The following SH3RF2 variants were observed in gnomAD, a reference collection of about 807,000 sequenced individuals.
The protein encoded by SH3RF2 is E3 ubiquitin-protein ligase SH3RF2.
Under a neutral mutation model 59.0 loss-of-function variants are expected in SH3RF2, and 43 were observed. That is an observed-to-expected ratio of 0.73 (90% CI 0.57 to 0.94). The LOEUF (loss-of-function observed/expected upper bound fraction) is 0.94. Among genes scored for constraint, SH3RF2 ranks in the 40% least tolerant of loss-of-function variants. The pLI, the probability that SH3RF2 is intolerant of heterozygous loss-of-function variation, is 0.00. For synonymous variants in SH3RF2, 391 were observed against 391.5 expected (o/e 1.00, Z 0.01); for missense variants, 930 against 940.1 (o/e 0.99, Z 0.14).
intron 9 of SH3RF2, among the ~76,000 whole-genome samples, chr5:146,061,075 A>T (rs919143957): frequency 2.6e-5 from 4 of 152,220 alleles, no homozygotes; most frequent in African/African-American, 4.8e-5. Context: ...GAACGGAAAG[A>T]GGATGCGATT....
intron 2 of SH3RF2, among the ~76,000 whole-genome samples, chr5:145,947,870 A>C (rs972170006): frequency 6.6e-6 from 1 of 152,236 alleles, no homozygotes; most frequent in Non-Finnish European, 1.5e-5. Flanking sequence ...TGTAAACCAC[A>C]TACTACTTAA....
chr5:145,977,143 G>A (rs1335253477), intron 2 of SH3RF2, among the ~76,000 whole-genome samples: 1 of 152,256 alleles, frequency 6.6e-6, no homozygotes, highest in Non-Finnish European at 1.5e-5. Flanking sequence ...ACTGGGGCAA[G>A]AGCAATATCT....
intron 5 of SH3RF2, among the ~76,000 whole-genome samples, chr5:146,020,689 C>T (rs147698387): frequency 3.7e-4 from 56 of 152,168 alleles, no homozygotes; most frequent in African/African-American, 1.1e-3. Context: ...TACCAACATG[C>T]GTAAGATTGA....
At chr5:145,997,397 T>C in intron 2 of SH3RF2, 1 of 1,247,926 alleles carries the variant, frequency 8.0e-7, no homozygotes. Flanking sequence ...AAATGGGCTT[T>C]GCTTCCATCT....
intron 8 of SH3RF2, among the ~76,000 whole-genome samples, chr5:146,058,219 G>T (rs190811332): frequency 6.6e-6 from 1 of 152,154 alleles, no homozygotes; most frequent in Non-Finnish European, 1.5e-5. Context: ...AATAGATAAG[G>T]CATAAAGCCA....
intron 2 of SH3RF2, among the ~76,000 whole-genome samples, chr5:145,945,573 G>A (rs992320272): frequency 6.6e-6 from 1 of 152,104 alleles, no homozygotes; most frequent in Non-Finnish European, 1.5e-5. Context: ...GGAAGTGTAT[G>A]GTCAAGGGAA....
chr5:146,014,907 G>A (rs1761046571), intron 5 of SH3RF2, among the ~76,000 whole-genome samples: 1 of 152,192 alleles, frequency 6.6e-6, no homozygotes, highest in Non-Finnish European at 1.5e-5. Context: ...TATTTAGGTT[G>A]AAGGGTACTT....
intron 2 of SH3RF2, among the ~76,000 whole-genome samples, chr5:145,945,408 A>T (rs901717929): frequency 3.9e-5 from 6 of 152,226 alleles, no homozygotes; most frequent in African/African-American, 1.4e-4. Flanking sequence ...TGTAAATTAT[A>T]ACCCCATAAA....
At chr5:145,976,041 G>C (rs760323360) in intron 2 of SH3RF2, among the ~76,000 whole-genome samples, 14 of 152,200 alleles carry the variant, frequency 9.2e-5, no homozygotes, top group Non-Finnish European at 1.8e-4. Flanking sequence ...ACACACCAGT[G>C]AAGAACCTTC....
chr5:145,938,449 C>T (rs1292773941), intron 2 of SH3RF2, 143 bp downstream of exon 2: 1 of 996,098 alleles, frequency 1.0e-6, no homozygotes, highest in Non-Finnish European at 1.4e-6. Context: ...GGGCAGTGAT[C>T]ATTTTACTCA....
At chr5:145,997,044 G>A (rs972279689) in intron 2 of SH3RF2, among the ~76,000 whole-genome samples, 20 of 152,246 alleles carry the variant, frequency 1.3e-4, no homozygotes, top group African/African-American at 4.8e-4. Context: ...TAGACATGGC[G>A]GTCATCAGGG....
intron 2 of SH3RF2, among the ~76,000 whole-genome samples, chr5:145,939,374 T>C (rs1344889178): frequency 2.0e-5 from 3 of 152,214 alleles, no homozygotes; most frequent in East Asian, 3.9e-4. Flanking sequence ...TGTGGGAGGG[T>C]CTTGCAGGAC....
intron 2 of SH3RF2, among the ~76,000 whole-genome samples, chr5:145,962,589 T>C (rs1224055852): frequency 6.6e-6 from 1 of 152,308 alleles, no homozygotes; most frequent in African/African-American, 2.4e-5. Context: ...CTTCAGTTCC[T>C]GCAGCAGGAC....
At chr5:146,064,792 G>GA (rs1204654795), downstream of SH3RF2, among the ~76,000 whole-genome samples, 198 of 33,986 alleles carry the variant, frequency 5.8e-3, 21 homozygotes, top group African/African-American at 0.016. Flanking sequence ...AGGAAGGAAG[G>GA]AAGGAAGGAA....
chr5:145,968,170 C>A (rs1758939225), intron 2 of SH3RF2, among the ~76,000 whole-genome samples: 1 of 152,160 alleles, frequency 6.6e-6, no homozygotes, highest in Non-Finnish European at 1.5e-5. Flanking sequence ...TCAAAATGTA[C>A]AATGTATGCA....
chr5:145,958,690 G>A (rs917357590), intron 2 of SH3RF2, among the ~76,000 whole-genome samples: 1 of 152,058 alleles, frequency 6.6e-6, no homozygotes, highest in African/African-American at 2.4e-5. Flanking sequence ...AGTTTGCAAG[G>A]AACACACACA....
At chr5:146,061,405 T>C (rs1451297139) in intron 9 of SH3RF2, among the ~76,000 whole-genome samples, 2 of 152,326 alleles carry the variant, frequency 1.3e-5, no homozygotes, top group East Asian at 1.9e-4. Flanking sequence ...TTCTGAATTA[T>C]AGAAATAATT....
At chr5:145,956,507 C>G (rs1039552601) in intron 2 of SH3RF2, among the ~76,000 whole-genome samples, 1 of 152,112 alleles carries the variant, frequency 6.6e-6, no homozygotes, top group Non-Finnish European at 1.5e-5. Context: ...AACTCCTGAC[C>G]TCAAGTGATC....
At chr5:146,066,059 G>T (rs1561774414), downstream of SH3RF2, among the ~76,000 whole-genome samples, 1 of 152,186 alleles carries the variant, frequency 6.6e-6, no homozygotes, top group Non-Finnish European at 1.5e-5. Flanking sequence ...CAGGTAGATT[G>T]TCCCCATTTC....
Sources: allele counts gnomAD v4.1 joint callset (sites outside exome capture counted in the v4.1 genomes callset), GRCh38; gene constraint gnomAD v4.1.1; transcripts MANE v1.5; gene names NCBI Gene and HGNC (gene_info 2026-07-23, HGNC 2026-07-21).